NFE2L1: variants seen among roughly 807,000 people sequenced by gnomAD.
The protein encoded by NFE2L1 is NFE2 like bZIP transcription factor 1, also known as endoplasmic reticulum membrane sensor NFE2L1.
A neutral mutation model predicts 61.6 loss-of-function variants in NFE2L1; 18 were observed. The observed-to-expected ratio is 0.29, with a 90% CI of 0.20 to 0.43. NFE2L1 has a LOEUF of 0.43. Among genes scored for constraint, NFE2L1 ranks in the 20% least tolerant of loss-of-function variants. The probability of loss-of-function intolerance (pLI) is 1.00; values close to 1 mark genes in which losing one functional copy is unlikely to be tolerated. For synonymous variants in NFE2L1, 419 were observed against 402.7 expected (o/e 1.04, Z -0.48); for missense variants, 827 against 973.5 (o/e 0.85, Z 2.00).
At chr17:48,058,210 T>A in intron 5 of NFE2L1, 85 bp from the exon 6 acceptor site, 1 of 1,496,418 alleles carries the variant, frequency 6.7e-7, no homozygotes, top group Non-Finnish European at 8.9e-7. Flanking sequence ...CATGCAGCTG[T>A]GCCTCTGTTG....
Position 48,056,726 on chromosome 17 carries a change from T to C in NFE2L1, c.723+128T>C, listed in dbSNP as rs534231468. On this transcript the variant is annotated intron_variant, in intron 3 of 5. Transcript: ENST00000362042. ...TGTGTGGGGTGGACCTGAATTTCTGTTTTGGGTTGGGGTCTGTAAGTCACA... is the reference window on the plus strand; with the variant it reads ...TGTGTGGGGTGGACCTGAATTTCTGCTTTGGGTTGGGGTCTGTAAGTCACA... The C allele has an allele frequency of 2.5e-6, 3 of 1,219,272 alleles. No individual in the cohort carries two copies. In the East Asian group the frequency reaches 7.7e-5, roughly 31 times the overall value. 75.5% of individuals were successfully genotyped at this position (1,219,272 alleles called of 1,614,324 possible).
At chr17:48,054,949 G>A (rs2037356298) in intron 2 of NFE2L1, 1 of 1,450,544 alleles carries the variant, frequency 6.9e-7, no homozygotes, top group Non-Finnish European at 9.0e-7. Flanking sequence ...CTCCCTGAAA[G>A]CCAAGAGCTC....
rs2037250371 is a variant in NFE2L1, at chr17:48,051,523, C to A, written c.405C>A (p.Gly135=). 6.2e-7 allele frequency: 1 copy of A among 1,613,982 alleles called. No individual in the cohort carries two copies. Among genetic ancestry groups the A allele is most frequent in the Non-Finnish European group, 8.5e-7 (1 of 1,180,044 alleles). The part of the protein sequence containing the change: ...ESSSGLQDVT[G]PDNGVRESET... The stretch of plus-strand genomic sequence containing the variant: ...CCAGTGGCCTCCAAGATGTGACAGG[C>A]CCAGACAACGGGGTGCGAGAAAGCG... The change falls in exon 2 of 6, where the codon GGC becomes GGA. Residue 135 remains glycine, a synonymous_variant. Coordinates refer to ENST00000362042, the MANE Select transcript of NFE2L1 (RefSeq NM_003204.3).
intron 2 of NFE2L1, among the ~76,000 whole-genome samples, chr17:48,054,161 C>A (rs1365746568): frequency 6.6e-6 from 1 of 152,196 alleles, no homozygotes; most frequent in East Asian, 1.9e-4. Flanking sequence ...AATTTAGATT[C>A]CCAGAGAATC....
In NFE2L1 at chr17:48,061,261, C is replaced by T. The variant is rs2037542125; in HGVS notation, c.*1620C>T. 1.3e-5 allele frequency: 2 copies of T among 152,176 alleles called. No individual in the cohort carries two copies. The highest frequency in any genetic ancestry group is 4.1e-4 in the South Asian group (2 of 4,836). 9.4% of individuals were successfully genotyped at this position (152,176 alleles called of 1,614,324 possible). ...GCTCTGGAGTACCGTCTGCCCCAGA[C>T]AAGTGGGAGTGAAATGGGGGTGGGG... is the stretch of plus-strand genomic sequence containing the variant. On this transcript the variant is annotated 3_prime_UTR_variant, in exon 6 of 6. Transcript: ENST00000362042.
chr17:48,051,469 G>A lies in NFE2L1; in HGVS notation c.351G>A (p.Gln117=), dbSNP rs1220576635. The change falls in exon 2 of 6, where the codon CAG becomes CAA. Residue 117 remains glutamine, a synonymous_variant. Transcript: ENST00000362042. The part of the protein sequence containing the change: ...RDPEGSVSGS[Q]PNSGLALESS... ...CAGAGGGGTCTGTCTCTGGCAGTCAGCCCAACTCAGGCCTCGCCCTCGAGA... is the reference window on the plus strand; with the variant it reads ...CAGAGGGGTCTGTCTCTGGCAGTCAACCCAACTCAGGCCTCGCCCTCGAGA... 3 of 1,614,068 alleles carry A rather than the reference G, an allele frequency of 1.9e-6. No homozygotes were observed. Among genetic ancestry groups the A allele is most frequent in the Non-Finnish European group, 8.5e-7 (1 of 1,180,054 alleles).
chr17:48,058,468 G>A lies in NFE2L1; in HGVS notation c.1146G>A (p.Val382=), dbSNP rs767005055. The A allele has an allele frequency of 2.5e-6, 4 of 1,613,910 alleles. No individual in the cohort carries two copies. The change falls in exon 6 of 6, where the codon GTG becomes GTA. Residue 382 remains valine, a synonymous_variant. Coordinates refer to ENST00000362042, the MANE Select transcript of NFE2L1 (RefSeq NM_003204.3). ...SQDFLLFSPE[V]ESLPVASSST... The stretch of plus-strand genomic sequence containing the variant: ...ACTTCTTACTCTTCAGCCCCGAGGT[G>A]GAAAGCCTGCCTGTGGCCAGTAGCT...
chr17:48,050,471 T>A (rs1274933074), intron 1 of NFE2L1, 136 bp from the exon 2 acceptor site: 5 of 388,840 alleles, frequency 1.3e-5, no homozygotes, highest in African/African-American at 8.3e-5. Context: ...AGAGTGAGAC[T>A]CTGTCTCAAA....
Position 48,050,764 on chromosome 17 carries a change from A to G in NFE2L1, c.-355A>G. On this transcript the variant is annotated 5_prime_UTR_variant, in exon 2 of 6. Coordinates refer to ENST00000362042, the MANE Select transcript of NFE2L1 (RefSeq NM_003204.3). Reference sequence around the variant, plus strand: ...CTGAGAACAGCCTGCATTGGAATCTACAGAGAGGACAACTAATGTGAGTGA... The same window carrying G: ...CTGAGAACAGCCTGCATTGGAATCTGCAGAGAGGACAACTAATGTGAGTGA... The G allele has an allele frequency of 3.8e-6, 2 of 528,216 alleles. No homozygotes were observed. The highest frequency in any genetic ancestry group is 6.7e-6 in the Non-Finnish European group (2 of 299,472). 32.7% of individuals were successfully genotyped at this position (528,216 alleles called of 1,614,324 possible). A position where few individuals can be genotyped will look rare whatever the true frequency, so the allele number is the denominator to read the frequency against.
rs2037244390 is a variant in NFE2L1 at position 48,051,341 on chromosome 17, G to A, written c.223G>A (p.Asp75Asn). Residue 75 changes from aspartate to asparagine, a missense_variant, in exon 2 of 6, where the codon GAC becomes AAC. Physicochemically the swap from Asp to Asn is conservative, Grantham distance 23. Transcript: ENST00000362042. ...TATCCACCCCAAGAGCATAGACCTG[G>A]ACAATTACTTCACTGCCCGGCGGCT... ...YGIHPKSIDL[D>N]NYFTARRLLS... is the part of the protein sequence containing the mutation. 1.2e-6 allele frequency: 2 copies of A among 1,614,016 alleles called. No individual in the cohort carries two copies. The highest frequency in any genetic ancestry group is 1.7e-6 in the Non-Finnish European group (2 of 1,180,034).
chr17:48,048,741 G>A (rs540259785), intron 1 of NFE2L1: 1 of 152,726 alleles, frequency 6.5e-6, no homozygotes, highest in South Asian at 2.1e-4. Flanking sequence ...CGGAGGGCGG[G>A]GTGGGGTTTG....
At position 48,059,082 on chromosome 17, in the gene NFE2L1, C is replaced by T. The variant is rs1010356992; in HGVS notation, c.1760C>T (p.Ala587Val). Residue 587 changes from alanine to valine, a missense_variant, in exon 6 of 6, where the codon GCC (alanine) becomes GTC (valine). Physicochemically the swap from Ala to Val is moderately conservative, Grantham distance 64 (BLOSUM62 0). Around this residue, in one of 3 missense-constraint regions of NFE2L1, gnomAD observed 667 missense variants for 748.4 expected, o/e 0.89. Transcript: ENST00000362042. The surrounding 1 kb of genome is among the most constrained non-coding windows in gnomAD (Gnocchi z 6.1). ...YNMAPSALDS[A>V]DLPPPSALKK... ...ATGGCACCCAGTGCCCTGGACTCAG[C>T]CGACCTGCCACCACCCAGTGCCCTC... The T allele has an allele frequency of 2.5e-5, 41 of 1,613,934 alleles. No individual in the cohort carries two copies. Among genetic ancestry groups the T allele is most frequent in the African/African-American group, 9.3e-5 (7 of 74,880 alleles).
At chr17:48,048,785 C>T (rs1328830609) in intron 1 of NFE2L1, 1 of 152,690 alleles carries the variant, frequency 6.5e-6, no homozygotes, top group African/African-American at 2.4e-5. Context: ...GGAAGTAGCA[C>T]TTGTTCGCTG....
chr17:48,055,275 G>A, intron 2 of NFE2L1: 1 of 1,136,352 alleles, frequency 8.8e-7, no homozygotes, highest in Non-Finnish European at 1.1e-6. Flanking sequence ...ATTGCTTTCT[G>A]GAAAGTGTAT....
chr17:48,056,307 C>A, intron 2 of NFE2L1, 79 bp from the exon 3 acceptor site: 1 of 1,553,474 alleles, frequency 6.4e-7, no homozygotes, highest in East Asian at 2.2e-5. Flanking sequence ...TGGGGTGACA[C>A]TAGGAGGGAA....
intron 2 of NFE2L1, 121 bp downstream of exon 2, chr17:48,051,749 C>A: frequency 2.4e-6 from 3 of 1,271,508 alleles, no homozygotes; most frequent in Non-Finnish European, 3.2e-6. Flanking sequence ...GGGCCTCAGG[C>A]ACTGTTCTTG....
intron 2 of NFE2L1, chr17:48,056,058 C>T: frequency 3.3e-6 from 1 of 300,088 alleles, no homozygotes; most frequent in Non-Finnish European, 6.3e-6. Context: ...CTGATGTTCC[C>T]CTTCTTTCTT....
chr17:48,051,598 C>A lies in NFE2L1; in HGVS notation c.480C>A (p.Ala160=), dbSNP rs202150333. 1 of 1,613,770 alleles carries A rather than the reference C, an allele frequency of 6.2e-7. No individual in the cohort carries two copies. The highest frequency in any genetic ancestry group is 8.5e-7 in the Non-Finnish European group (1 of 1,179,894). ...ATTTGGAGGATTTGGGGGCTGTAGC[C>A]CCCCCAGTCAGTGGAGACTTAACCA... ...GEDLEDLGAV[A]PPVSGDLTKE... is the part of the protein sequence containing the mutation. Residue 160 remains alanine, a synonymous_variant, in exon 2 of 6, where the codon GCC becomes GCA. Transcript: ENST00000362042.
Position 48,058,786 on chromosome 17 carries a change from T to G in NFE2L1, c.1464T>G (p.Ser488=). The G allele has an allele frequency of 6.2e-7, 1 of 1,614,200 alleles. No homozygotes were observed. Among genetic ancestry groups the G allele is most frequent in the Non-Finnish European group, 8.5e-7 (1 of 1,180,030 alleles). The change falls in exon 6 of 6, where the codon TCT becomes TCG. Residue 488 remains serine (S), a synonymous_variant. Transcript: ENST00000362042. ...GLSLDSSHSP[S]SLSSSEGSSS... ...CCTTAGACTCGAGCCATAGCCCTTC[T>G]TCCCTAAGCAGCTCTGAAGGCAGTT...
Sources: gnomAD v4.1 joint callset for allele counts (sites outside exome capture counted in the v4.1 genomes callset) on GRCh38, gnomAD v4.1.1 for gene constraint, gnomAD v4.1.1 regional missense constraint, Gnocchi (gnomAD v3.1) non-coding constraint, MANE v1.5 for transcripts, NCBI Gene and HGNC (gene_info 2026-07-23, HGNC 2026-07-21) for gene names.